The following LRMDA variants were observed in gnomAD, a reference collection of about 807,000 sequenced individuals.
The protein encoded by LRMDA is leucine rich melanocyte differentiation associated.
In LRMDA, 18 loss-of-function variants were observed where a neutral mutation model predicts 29.8. The ratio of observed to expected loss-of-function variants is 0.60; its 90% CI spans 0.42 to 0.90. The LOEUF (loss-of-function observed/expected upper bound fraction) is 0.90, where lower values mean the gene tolerates loss of function less well. LRMDA is among the 40% of genes least tolerant of loss of function. LRMDA has a pLI of 0.00. For missense variants in LRMDA, 273 were observed against 273.9 expected, an observed-to-expected ratio of 1.00 and a Z score of 0.02; for synonymous variants, 125 against 109.4, an observed-to-expected ratio of 1.14 and a Z score of -0.89.
At chr10:75,892,204 A>G (rs886432098) in intron 2 of LRMDA, among the ~76,000 whole-genome samples, 2 of 152,306 alleles carry the variant, frequency 1.3e-5, no homozygotes, top group Non-Finnish European at 2.9e-5. Context: ...TGTAATTTTA[A>G]TATTCATCAA....
At chr10:75,614,270 C>T (rs1429849815) in intron 2 of LRMDA, among the ~76,000 whole-genome samples, 2 of 152,198 alleles carry the variant, frequency 1.3e-5, no homozygotes, top group South Asian at 2.1e-4. Context: ...TTAAAATAAG[C>T]ATCCAGAGCA....
intron 6 of LRMDA, among the ~76,000 whole-genome samples, chr10:76,328,488 A>G (rs1421470566): frequency 6.6e-6 from 1 of 152,226 alleles, no homozygotes; most frequent in Non-Finnish European, 1.5e-5. Flanking sequence ...CAACTCAACA[A>G]CAGGCAAGGG....
At chr10:76,036,443 G>GA (rs1444373880) in intron 3 of LRMDA, among the ~76,000 whole-genome samples, 1 of 152,192 alleles carries the variant, frequency 6.6e-6, no homozygotes, top group African/African-American at 2.4e-5. Context: ...AATAGAGAAA[G>GA]AAAATAATGT....
At chr10:76,483,738 A>T (rs1291510862) in intron 6 of LRMDA, among the ~76,000 whole-genome samples, 2 of 151,594 alleles carry the variant, frequency 1.3e-5, no homozygotes, top group East Asian at 3.9e-4. Flanking sequence ...AAAAAAAAAA[A>T]AGCAAATGTA....
intron 5 of LRMDA, among the ~76,000 whole-genome samples, chr10:76,249,093 G>A (rs1043177957): frequency 6.6e-6 from 1 of 152,128 alleles, no homozygotes; most frequent in African/African-American, 2.4e-5. Context: ...ATTTAGAGGG[G>A]CAATGGAGTG....
At chr10:75,813,008 G>C (rs751791930) in intron 2 of LRMDA, among the ~76,000 whole-genome samples, 1 of 152,210 alleles carries the variant, frequency 6.6e-6, no homozygotes, top group African/African-American at 2.4e-5. Flanking sequence ...CAGTGTCAGA[G>C]ACCTGGGAGA....
intron 2 of LRMDA, among the ~76,000 whole-genome samples, chr10:75,950,418 G>A (rs1846553162): frequency 6.6e-6 from 1 of 152,208 alleles, no homozygotes; most frequent in African/African-American, 2.4e-5. Context: ...GCAGTTTGCT[G>A]TGTCTCTATT....
chr10:76,113,918 G>T (rs992260223), intron 5 of LRMDA, among the ~76,000 whole-genome samples: 6 of 152,206 alleles, frequency 3.9e-5, no homozygotes, highest in Admixed American at 6.5e-5. Context: ...AGGGATCGAG[G>T]TTGGTTTGCA....
intron 2 of LRMDA, among the ~76,000 whole-genome samples, chr10:75,722,722 C>T (rs1842583555): frequency 6.6e-6 from 1 of 152,142 alleles, no homozygotes; most frequent in Non-Finnish European, 1.5e-5. Context: ...AGTAGCTCAG[C>T]ATAAAATGGT....
At chr10:75,504,518 A>G (rs1462525851) in intron 2 of LRMDA, among the ~76,000 whole-genome samples, 1 of 152,176 alleles carries the variant, frequency 6.6e-6, no homozygotes, top group Admixed American at 6.5e-5. Flanking sequence ...GCCAGTAACA[A>G]ATGGAGATAT....
At chr10:75,854,125 G>A (rs915673042) in intron 2 of LRMDA, among the ~76,000 whole-genome samples, 1 of 152,158 alleles carries the variant, frequency 6.6e-6, no homozygotes, top group Non-Finnish European at 1.5e-5. Context: ...TGTTGGACAT[G>A]CTGTGGGAGT....
chr10:75,506,543 A>T (rs1337879302), intron 2 of LRMDA, among the ~76,000 whole-genome samples: 2 of 152,178 alleles, frequency 1.3e-5, no homozygotes, highest in Non-Finnish European at 2.9e-5. Flanking sequence ...GTAGGAGCTC[A>T]TGGGCCAGTG....
At chr10:75,596,090 G>A (rs1840784272) in intron 2 of LRMDA, among the ~76,000 whole-genome samples, 1 of 152,078 alleles carries the variant, frequency 6.6e-6, no homozygotes, top group Non-Finnish European at 1.5e-5. Flanking sequence ...TTATCTATGT[G>A]AATGAATAAA....
chr10:75,633,131 C>A (rs914949639), intron 2 of LRMDA, among the ~76,000 whole-genome samples: 35 of 152,278 alleles, frequency 2.3e-4, no homozygotes, highest in Middle Eastern at 3.4e-3. Flanking sequence ...GACCAAACTT[C>A]GCAAAGTGAC....
chr10:75,584,941 T>C (rs1840639619), intron 2 of LRMDA, among the ~76,000 whole-genome samples: 1 of 152,220 alleles, frequency 6.6e-6, no homozygotes, highest in South Asian at 2.1e-4. Flanking sequence ...GAAGACTAAT[T>C]GCAGACATTT....
chr10:76,000,171 A>G (rs1245607509), intron 2 of LRMDA, among the ~76,000 whole-genome samples: 1 of 151,978 alleles, frequency 6.6e-6, no homozygotes, highest in African/African-American at 2.4e-5. Context: ...GTTTTTGGTG[A>G]TGGAGGTGGA....
chr10:75,729,743 G>C (rs1842672751), intron 2 of LRMDA, among the ~76,000 whole-genome samples: 1 of 152,194 alleles, frequency 6.6e-6, no homozygotes, highest in Non-Finnish European at 1.5e-5. Flanking sequence ...ACCAAACAGT[G>C]ATAGGATGAT....
At chr10:76,208,833 C>T (rs1446476978) in intron 5 of LRMDA, among the ~76,000 whole-genome samples, 1 of 152,102 alleles carries the variant, frequency 6.6e-6, no homozygotes, top group Non-Finnish European at 1.5e-5. Flanking sequence ...GCCCTCGGCA[C>T]TGGTGTTGCC....
chr10:76,189,030 G>T (rs1301695749), intron 5 of LRMDA, among the ~76,000 whole-genome samples: 5 of 151,844 alleles, frequency 3.3e-5, no homozygotes, highest in Non-Finnish European at 4.4e-5. Flanking sequence ...CAGCTTAGTA[G>T]CCATTTGAAA....
Sources: allele counts gnomAD v4.1 joint callset (sites outside exome capture counted in the v4.1 genomes callset), GRCh38; gene constraint gnomAD v4.1.1; transcripts MANE v1.5; gene names NCBI Gene and HGNC (gene_info 2026-07-23, HGNC 2026-07-21).